LTBP2: variants seen among roughly 807,000 people sequenced by gnomAD.
LTBP2 encodes latent-transforming growth factor beta-binding protein 2.
Under a neutral mutation model 210.6 loss-of-function variants are expected in LTBP2, and 103 were observed. The ratio of observed to expected loss-of-function variants is 0.49; its 90% confidence interval spans 0.42 to 0.58. The LOEUF is 0.58. LTBP2 is among the 20% of genes least tolerant of loss of function. The pLI is 0.00. For synonymous variants in LTBP2, 1,007 were observed against 1,015.0 expected, an observed-to-expected ratio of 0.99 and a Z score of 0.15; for missense variants, 2,313 against 2,494.5, an observed-to-expected ratio of 0.93 and a Z score of 1.55.
At chr14:74,596,519 C>T (rs1211935257) in intron 2 of LTBP2, among the ~76,000 whole-genome samples, 3 of 152,182 alleles carry the variant, frequency 2.0e-5, no homozygotes, top group Non-Finnish European at 4.4e-5. Context: ...CCAGGCTGCA[C>T]TCAGGGAGCT....
intron 13 of LTBP2, 41 bp from the exon 14 acceptor site, chr14:74,526,155 C>A: frequency 6.4e-7 from 1 of 1,573,502 alleles, no homozygotes; most frequent in Non-Finnish European, 8.6e-7. Flanking sequence ...GCTCCTCTGC[C>A]GTACCTGTGA....
At position 74,503,340 on chromosome 14, in the gene LTBP2, T is replaced by C. The variant is rs1433702800; in HGVS notation, c.4767A>G (p.Lys1589=). ...GTTCGCTGCACACATCATTGGTGACTTTTTTCCAGCAGATGTCCATGTGGA... is the reference window on the plus strand; with the variant it reads ...GTTCGCTGCACACATCATTGGTGACCTTTTTCCAGCAGATGTCCATGTGGA... ...HDIHMDICWK[K]VTNDVCSEPL... Residue 1589 remains lysine, a synonymous_variant, in exon 33 of 36, where the codon AAA becomes AAG. Transcript: ENST00000261978. 1 of 1,613,492 alleles carries C rather than the reference T, an allele frequency of 6.2e-7. No homozygotes were observed. Among genetic ancestry groups the C allele is most frequent in the Non-Finnish European group, 8.5e-7 (1 of 1,179,972 alleles).
At chr14:74,541,035 C>A (rs983750240) in intron 8 of LTBP2, among the ~76,000 whole-genome samples, 11 of 148,874 alleles carry the variant, frequency 7.4e-5, no homozygotes, top group African/African-American at 2.7e-4. Flanking sequence ...GAAAATTCAG[C>A]AGCCAGTGAG....
intron 1 of LTBP2, among the ~76,000 whole-genome samples, chr14:74,608,545 C>T (rs2088559059): frequency 6.6e-6 from 1 of 151,418 alleles, no homozygotes; most frequent in South Asian, 2.1e-4. Context: ...CCCATCTCTA[C>T]TAAAAATACA....
At chr14:74,543,524 G>GCCTGCCTT (rs1555350364) in intron 8 of LTBP2, among the ~76,000 whole-genome samples, 1 of 131,018 alleles carries the variant, frequency 7.6e-6, no homozygotes, top group African/African-American at 3.3e-5. Context: ...CTGCCTGCCT[G>GCCTGCCTT]CCTTCCCTCC....
In LTBP2 at chr14:74,603,650, T is replaced by C; in HGVS notation, c.550A>G (p.Asn184Asp). 6.2e-7 allele frequency: 1 copy of C among 1,614,220 alleles called. No homozygotes were observed. Among genetic ancestry groups the C allele is most frequent in the Non-Finnish European group, 8.5e-7 (1 of 1,180,036 alleles). Residue 184 changes from asparagine (N) to aspartate (D), a missense_variant, in exon 2 of 36, where the codon AAC becomes GAC. Around this residue, in one of 3 missense-constraint regions of LTBP2, gnomAD observed 1,867 missense variants for 1,976.9 expected, o/e 0.94. Transcript: ENST00000261978. Reference sequence around the variant, plus strand: ...AGGCACTCACGTTTGATACAGTGGTTGGTGCTGTTTGCTGTTGTCCATCCT... The same window carrying C: ...AGGCACTCACGTTTGATACAGTGGTCGGTGCTGTTTGCTGTTGTCCATCCT... ...CPGWTTANST[N>D]HCIKPVCEPP...
chr14:74,541,474 G>A (rs1465203536), intron 8 of LTBP2, among the ~76,000 whole-genome samples: 3 of 152,166 alleles, frequency 2.0e-5, no homozygotes, highest in African/African-American at 4.8e-5. Flanking sequence ...TTTTATGGAT[G>A]AGCAAATTGA....
At chr14:74,504,254 T>C (rs1164668956) in intron 30 of LTBP2, among the ~76,000 whole-genome samples, 200 bp from the exon 31 acceptor site, 1 of 152,236 alleles carries the variant, frequency 6.6e-6, no homozygotes, top group Non-Finnish European at 1.5e-5. Context: ...GGTGTTAATA[T>C]GTGTGAGGTG....
At chr14:74,593,114 T>C (rs1308596123) in intron 2 of LTBP2, among the ~76,000 whole-genome samples, 1 of 152,198 alleles carries the variant, frequency 6.6e-6, no homozygotes, top group African/African-American at 2.4e-5. Flanking sequence ...AATCTCCCCA[T>C]GTTCCTAGCT....
chr14:74,589,133 A>G (rs2088248036), intron 2 of LTBP2, among the ~76,000 whole-genome samples: 1 of 152,216 alleles, frequency 6.6e-6, no homozygotes, highest in Non-Finnish European at 1.5e-5. Context: ...AGAATTTTTA[A>G]ATAATGATGG....
intron 3 of LTBP2, among the ~76,000 whole-genome samples, chr14:74,561,717 G>A (rs950453324): frequency 6.6e-6 from 1 of 152,110 alleles, no homozygotes; most frequent in Non-Finnish European, 1.5e-5. Context: ...CCATTTTATA[G>A]CTAAGGAAAC....
intron 2 of LTBP2, among the ~76,000 whole-genome samples, chr14:74,587,353 A>G (rs1260205395): frequency 1.4e-4 from 22 of 152,022 alleles, no homozygotes; most frequent in Admixed American, 1.4e-3. Context: ...GGAAGCAAGA[A>G]AACAATAGCA....
At chr14:74,531,524 C>T (rs1338620781) in intron 10 of LTBP2, among the ~76,000 whole-genome samples, 2 of 152,216 alleles carry the variant, frequency 1.3e-5, no homozygotes, top group Admixed American at 6.5e-5. Context: ...ACTCTCTGGG[C>T]ACCCCCCTCC....
intron 18 of LTBP2, 123 bp from the exon 19 acceptor site, chr14:74,511,487 G>C: frequency 8.1e-7 from 1 of 1,227,554 alleles, no homozygotes; most frequent in African/African-American, 1.5e-5. Context: ...GGGAAACTAG[G>C]AAAGAATGAG....
chr14:74,604,639 C>T (rs1365314052), intron 1 of LTBP2, among the ~76,000 whole-genome samples: 1 of 151,712 alleles, frequency 6.6e-6, no homozygotes, highest in East Asian at 1.9e-4. Flanking sequence ...TCAGTCCTGC[C>T]ACCATGCCTG....
At chr14:74,501,655 G>C in intron 34 of LTBP2, 65 bp from the exon 35 acceptor site, 1 of 1,604,424 alleles carries the variant, frequency 6.2e-7, no homozygotes, top group Non-Finnish European at 8.5e-7. Context: ...CCTAATGCTG[G>C]GACCCTCGCC....
intron 2 of LTBP2, among the ~76,000 whole-genome samples, chr14:74,587,365 G>A (rs1273260165): frequency 6.6e-6 from 1 of 152,056 alleles, no homozygotes; most frequent in Admixed American, 6.5e-5. Flanking sequence ...ACAATAGCAT[G>A]ATGTGGCCTC....
intron 2 of LTBP2, among the ~76,000 whole-genome samples, chr14:74,597,994 T>A (rs1446501688): frequency 6.6e-6 from 1 of 152,252 alleles, no homozygotes; most frequent in Non-Finnish European, 1.5e-5. Flanking sequence ...TTACATGTAT[T>A]ACCTCACATA....
chr14:74,501,088 C>T, intron 35 of LTBP2, 59 bp from the exon 36 acceptor site: 1 of 1,567,920 alleles, frequency 6.4e-7, no homozygotes, highest in Non-Finnish European at 8.7e-7. Flanking sequence ...TGGCTGCCTC[C>T]ACCTCTCTGG....
Sources: gnomAD v4.1 joint callset for allele counts (sites outside exome capture counted in the v4.1 genomes callset) on GRCh38, gnomAD v4.1.1 for gene constraint, gnomAD v4.1.1 regional missense constraint, MANE v1.5 for transcripts, NCBI Gene and HGNC (gene_info 2026-07-23, HGNC 2026-07-21) for gene names.